EVC2: variants seen among roughly 807,000 people sequenced by gnomAD.
EVC2 encodes the protein EvC ciliary complex subunit 2.
In EVC2, 148 loss-of-function variants were observed where a neutral mutation model predicts 149.3. That is an observed-to-expected ratio of 0.99 (90% CI 0.87 to 1.14). The LOEUF (loss-of-function observed/expected upper bound fraction) is 1.14, where lower values mean the gene tolerates loss of function less well. EVC2 is among the 50% of genes most tolerant of loss of function. The pLI, the probability that EVC2 is intolerant of heterozygous loss-of-function variation, is 0.00. For synonymous variants in EVC2, 776 were observed against 649.9 expected (o/e 1.19, Z -2.95); for missense variants, 1,854 against 1,627.3 (o/e 1.14, Z -2.40).
intron 16 of EVC2, among the ~76,000 whole-genome samples, chr4:5,608,469 G>C (rs1202656347): frequency 6.6e-6 from 1 of 152,114 alleles, no homozygotes; most frequent in Non-Finnish European, 1.5e-5. Flanking sequence ...CCAGGTGGCT[G>C]GTAAAACATT....
chr4:5,650,533 C>T (rs1718027435), intron 9 of EVC2, among the ~76,000 whole-genome samples: 1 of 149,600 alleles, frequency 6.7e-6, no homozygotes, highest in Non-Finnish European at 1.5e-5. Context: ...AATATTATCA[C>T]CTACATCAAA....
intron 14 of EVC2, among the ~76,000 whole-genome samples, chr4:5,619,858 A>AGG (rs1465824619): frequency 1.3e-5 from 2 of 152,184 alleles, no homozygotes; most frequent in Non-Finnish European, 2.9e-5. Flanking sequence ...TCGTTGAACA[A>AGG]AGATTAGCTG....
At chr4:5,698,652 T>C (rs914650980) in intron 1 of EVC2, among the ~76,000 whole-genome samples, 1 of 152,248 alleles carries the variant, frequency 6.6e-6, no homozygotes, top group Non-Finnish European at 1.5e-5. Flanking sequence ...CTATGTGCAC[T>C]GAGTGAACTG....
chr4:5,549,419 C>T (rs7660419), intron 21 of EVC2, among the ~76,000 whole-genome samples: 69,278 of 152,080 alleles, frequency 0.46, 17,304 homozygotes, highest in East Asian at 0.93. Flanking sequence ...GAGCCTAACA[C>T]AGGGGCTGTC....
At chr4:5,563,739 T>C (rs1354393936) in intron 21 of EVC2, among the ~76,000 whole-genome samples, 1 of 152,206 alleles carries the variant, frequency 6.6e-6, no homozygotes, top group African/African-American at 2.4e-5. Context: ...TGGCAAATGC[T>C]ACAAATCAGA....
At chr4:5,663,641 T>C (rs569111142) in intron 8 of EVC2, among the ~76,000 whole-genome samples, 2 of 152,146 alleles carry the variant, frequency 1.3e-5, no homozygotes, top group Admixed American at 6.5e-5. Flanking sequence ...TAGGATTGAG[T>C]GGGGCGTGGT....
chr4:5,705,266 C>T (rs1235314837), intron 1 of EVC2, among the ~76,000 whole-genome samples: 2 of 152,166 alleles, frequency 1.3e-5, no homozygotes, highest in African/African-American at 4.8e-5. Flanking sequence ...CTGAAATAGA[C>T]ACTTATCTTT....
upstream of EVC2, chr4:5,708,697 G>A (rs1396256495): frequency 1.3e-5 from 6 of 475,736 alleles, no homozygotes; most frequent in Non-Finnish European, 1.8e-5. Flanking sequence ...GGGAGGGGGA[G>A]AGCGAGTTGG....
intron 20 of EVC2, among the ~76,000 whole-genome samples, chr4:5,568,227 T>TA (rs1722417762): frequency 7.3e-6 from 1 of 137,578 alleles, no homozygotes; most frequent in Non-Finnish European, 1.6e-5. Context: ...TTCCTCTTTT[T>TA]ATGCATTTTT....
chr4:5,592,519 GT>G (rs1251704748), intron 16 of EVC2, among the ~76,000 whole-genome samples: 1 of 152,228 alleles, frequency 6.6e-6, no homozygotes, highest in Admixed American at 6.5e-5. Context: ...TGGTCAAGTG[GT>G]TGTTAACTGC....
At chr4:5,621,565 A>G (rs1715691322) in intron 14 of EVC2, among the ~76,000 whole-genome samples, 1 of 152,200 alleles carries the variant, frequency 6.6e-6, no homozygotes, top group African/African-American at 2.4e-5. Context: ...AACAACCACC[A>G]AAAGCTCTGT....
chr4:5,697,405 G>A (rs1465926693), intron 2 of EVC2, among the ~76,000 whole-genome samples, 188 bp downstream of exon 2: 8 of 152,176 alleles, frequency 5.3e-5, no homozygotes, highest in Admixed American at 1.3e-4. Context: ...GTGCACTAAC[G>A]CTTCGGCCAG....
chr4:5,532,699 A>G, the EVC2 span, among the ~76,000 whole-genome samples: 1 of 152,262 alleles, frequency 6.6e-6, no homozygotes, highest in South Asian at 2.1e-4. Context: ...CTGACCGTCT[A>G]GCAGAGAGAG....
chr4:5,560,801 T>G (rs892541044), downstream of EVC2, among the ~76,000 whole-genome samples: 2 of 152,208 alleles, frequency 1.3e-5, no homozygotes, highest in African/African-American at 4.8e-5. The surrounding 1 kb of genome is among the most constrained non-coding windows in gnomAD (Gnocchi z 4.1). Context: ...TTAGGATCTT[T>G]GTTTTACAGA....
At chr4:5,544,283 C>T (rs949321755) in intron 21 of EVC2, among the ~76,000 whole-genome samples, 1 of 151,706 alleles carries the variant, frequency 6.6e-6, no homozygotes, top group Non-Finnish European at 1.5e-5. Context: ...TCTGTTTTCA[C>T]AACCTTTATC....
chr4:5,647,799 C>G (rs1560193691), intron 9 of EVC2, among the ~76,000 whole-genome samples: 2 of 152,344 alleles, frequency 1.3e-5, no homozygotes, highest in South Asian at 4.1e-4. Context: ...GGCTACTCAT[C>G]AGCTGACCTT....
chr4:5,577,862 C>T (rs966849195), intron 17 of EVC2, among the ~76,000 whole-genome samples: 3 of 152,194 alleles, frequency 2.0e-5, no homozygotes, highest in Non-Finnish European at 4.4e-5. Flanking sequence ...GCAGTGTATG[C>T]TGTCATGCTG....
Position 5,635,029 on chromosome 4 carries a change from C to CTTTTTTT in EVC2, c.1471-3004_1471-2998dup, listed in dbSNP as rs34769603. Among the ~76,000 whole-genome samples the CTTTTTTT allele has an allele frequency of 3.9e-4, 28 of 71,466 alleles. 1 individual carries two copies. The highest frequency in any genetic ancestry group is 5.1e-4 in the East Asian group (1 of 1,958). 46.9% of individuals were successfully genotyped at this position (71,466 alleles called of 152,430 possible). ...ATTTTAAATACTGTCAACAAATGTG[C>CTTTTTTT]TTTTTTTTTTTTTTTTTTTTTTTTT... On this transcript the variant is annotated intron_variant, in intron 10 of 21. Transcript: ENST00000344408.
At chr4:5,600,250 G>A (rs1277875131) in intron 16 of EVC2, among the ~76,000 whole-genome samples, 2 of 152,150 alleles carry the variant, frequency 1.3e-5, no homozygotes, top group Admixed American at 1.3e-4. Flanking sequence ...CTGAACAGTA[G>A]CTGTCATCAT....
Sources: gnomAD v4.1 joint callset for allele counts (sites outside exome capture counted in the v4.1 genomes callset) on GRCh38, gnomAD v4.1.1 for gene constraint, Gnocchi (gnomAD v3.1) non-coding constraint, MANE v1.5 for transcripts, NCBI Gene and HGNC (gene_info 2026-07-23, HGNC 2026-07-21) for gene names.